The following CCDC171 variants were observed in gnomAD, a reference collection of about 807,000 sequenced individuals.
CCDC171 encodes coiled-coil domain-containing protein 171.
In CCDC171, 177 loss-of-function variants were observed where a neutral mutation model predicts 168.2. That is an observed-to-expected ratio of 1.05 (90% confidence interval 0.93 to 1.19). CCDC171 has a LOEUF of 1.19. Among genes scored for constraint, CCDC171 ranks in the 50% most tolerant of loss-of-function variants. CCDC171 has a pLI of 0.00. For synonymous variants in CCDC171, 687 were observed against 540.8 expected, an observed-to-expected ratio of 1.27 and a Z score of -3.75; for missense variants, 1,991 against 1,539.0, an observed-to-expected ratio of 1.29 and a Z score of -4.91.
chr9:15,837,463 A>C (rs1451860101), intron 21 of CCDC171, among the ~76,000 whole-genome samples: 1 of 152,220 alleles, frequency 6.6e-6, no homozygotes, highest in Non-Finnish European at 1.5e-5. Context: ...ATACAGGAAA[A>C]TTCCATTTGA....
At chr9:15,789,076 G>A (rs564299076) in intron 21 of CCDC171, among the ~76,000 whole-genome samples, 9 of 152,196 alleles carry the variant, frequency 5.9e-5, no homozygotes, top group African/African-American at 1.4e-4. Flanking sequence ...AGTTAACACC[G>A]TGAGTAGTTG....
chr9:16,062,348 A>G (rs913136324), downstream of CCDC171, among the ~76,000 whole-genome samples: 4 of 152,160 alleles, frequency 2.6e-5, no homozygotes, highest in African/African-American at 9.7e-5. Context: ...GGAGCTAAAC[A>G]CTGAGCGCAC....
At chr9:16,095,583 A>G in the CCDC171 span, among the ~76,000 whole-genome samples, 1 of 152,078 alleles carries the variant, frequency 6.6e-6, no homozygotes, top group African/African-American at 2.4e-5. Flanking sequence ...ACATGTTGAA[A>G]TATGGAAAAC....
intron 21 of CCDC171, among the ~76,000 whole-genome samples, chr9:15,826,751 C>T (rs914545240): frequency 2.6e-5 from 4 of 152,188 alleles, no homozygotes; most frequent in Admixed American, 2.0e-4. Flanking sequence ...TCAGCTGAGG[C>T]TCCAGATAAT....
At chr9:15,697,205 G>C (rs1165597392) in intron 11 of CCDC171, among the ~76,000 whole-genome samples, 1 of 152,190 alleles carries the variant, frequency 6.6e-6, no homozygotes, top group Non-Finnish European at 1.5e-5. Flanking sequence ...TTTGGCAGTG[G>C]CTTCATTTTT....
intron 16 of CCDC171, among the ~76,000 whole-genome samples, chr9:15,739,572 AT>A (rs1225620899): frequency 6.6e-6 from 1 of 152,220 alleles, no homozygotes; most frequent in African/African-American, 2.4e-5. Flanking sequence ...ATTTAAAAAA[AT>A]ATATGTAAAG....
intron 10 of CCDC171, among the ~76,000 whole-genome samples, chr9:15,693,889 A>G (rs117188861): frequency 2.0e-5 from 3 of 152,108 alleles, no homozygotes; most frequent in African/African-American, 4.8e-5. Context: ...AGAGTTGTCT[A>G]AACTTCCTGT....
At chr9:15,690,175 T>G (rs2050689871) in intron 10 of CCDC171, among the ~76,000 whole-genome samples, 1 of 152,206 alleles carries the variant, frequency 6.6e-6, no homozygotes, top group Non-Finnish European at 1.5e-5. Flanking sequence ...GGGACAACAC[T>G]GTTCTAAATC....
the CCDC171 span, among the ~76,000 whole-genome samples, chr9:16,086,349 T>C: frequency 2.0e-5 from 3 of 151,432 alleles, no homozygotes; most frequent in Admixed American, 6.6e-5. Context: ...GCTCTGTTGA[T>C]GAGGCTGGAG....
intron 24 of CCDC171, among the ~76,000 whole-genome samples, chr9:15,897,065 C>T (rs1434007494): frequency 6.6e-6 from 1 of 151,990 alleles, no homozygotes; most frequent in Non-Finnish European, 1.5e-5. Context: ...TCCTTCTATA[C>T]ATATATCCAG....
chr9:15,569,157 G>T (rs2039996773), intron 2 of CCDC171, among the ~76,000 whole-genome samples: 1 of 152,058 alleles, frequency 6.6e-6, no homozygotes, highest in Non-Finnish European at 1.5e-5. Context: ...GGCCTTTTCG[G>T]TTTGAAACTT....
intron 3 of CCDC171, among the ~76,000 whole-genome samples, chr9:16,005,423 C>G (rs1186343511): frequency 6.6e-6 from 1 of 152,144 alleles, no homozygotes; most frequent in Non-Finnish European, 1.5e-5. Flanking sequence ...GGGTTGCTCC[C>G]ACCTTTTGGT....
chr9:15,802,172 C>G (rs979128798), intron 21 of CCDC171, among the ~76,000 whole-genome samples: 1 of 150,972 alleles, frequency 6.6e-6, no homozygotes, highest in African/African-American at 2.4e-5. Context: ...GGTGTGGTTT[C>G]TTTGTGTTTT....
At position 15,623,373 on chromosome 9, in the gene CCDC171, T is replaced by G. The variant is rs770126567; in HGVS notation, c.782T>G (p.Phe261Cys). ...CGGCGACAAACAAGTGAACTTGAAT[T>G]TAGCACTCAACGAGAGGAACGCCTT... is the stretch of plus-strand genomic sequence containing the variant. ...LLRRQTSELE[F>C]STQREERLRK... is the part of the protein sequence containing the mutation. Residue 261 changes from phenylalanine (F) to cysteine (C), a missense_variant, in exon 7 of 26, where the codon TTT (phenylalanine) becomes TGT (cysteine). By Grantham distance (205) the Phe-to-Cys change is radical. Coordinates refer to ENST00000380701, the MANE Select transcript of CCDC171 (RefSeq NM_173550.4). 1 of 1,612,114 alleles carries G rather than the reference T, an allele frequency of 6.2e-7. No homozygotes were observed. The highest frequency in any genetic ancestry group is 1.1e-5 in the South Asian group (1 of 90,762).
At chr9:16,089,543 T>A in the CCDC171 span, among the ~76,000 whole-genome samples, 3 of 151,772 alleles carry the variant, frequency 2.0e-5, no homozygotes, top group Non-Finnish European at 4.4e-5. Context: ...CTATCTTGTG[T>A]TAATTTTTTT....
intron 23 of CCDC171, among the ~76,000 whole-genome samples, chr9:15,859,703 C>A (rs2061483536): frequency 6.6e-6 from 1 of 150,550 alleles, no homozygotes. Context: ...GTTGCCTAGC[C>A]TAGAGTGGTG....
At chr9:15,664,565 T>TACACACACACACACACACACAC (rs1423756698) in intron 8 of CCDC171, among the ~76,000 whole-genome samples, 1 of 4,940 alleles carries the variant, frequency 2.0e-4, no homozygotes, top group Non-Finnish European at 4.5e-4. Flanking sequence ...CCCTTAAATT[T>TACACACACACACACACACACAC]ATACACACAC....
intron 25 of CCDC171, among the ~76,000 whole-genome samples, chr9:15,960,062 G>A (rs1187124868): frequency 3.9e-5 from 6 of 152,172 alleles, no homozygotes; most frequent in Admixed American, 1.3e-4. Flanking sequence ...GGGTGTTTGA[G>A]GCTTGTATGA....
intron 18 of CCDC171, among the ~76,000 whole-genome samples, chr9:15,763,840 A>G (rs781428020): frequency 2.0e-5 from 3 of 152,158 alleles, no homozygotes; most frequent in Non-Finnish European, 2.9e-5. Context: ...AGTTGTTTCT[A>G]CTTTAGAGTA....
Sources: allele counts gnomAD v4.1 joint callset (sites outside exome capture counted in the v4.1 genomes callset), GRCh38; gene constraint gnomAD v4.1.1; transcripts MANE v1.5; gene names NCBI Gene and HGNC (gene_info 2026-07-23, HGNC 2026-07-21).